SPNS3: variants seen among roughly 807,000 people sequenced by gnomAD.
SPNS3 encodes SPNS lysolipid transporter 3, sphingosine-1-phosphate (putative).
SPNS3 carries 51 observed loss-of-function variants against 54.4 expected under a neutral mutation model. The ratio of observed to expected loss-of-function variants is 0.94; its 90% CI spans 0.75 to 1.18. The LOEUF is 1.18. Ranked by LOEUF, SPNS3 falls within the 50% of genes most tolerant of loss-of-function variation. The pLI is 0.00. For synonymous variants in SPNS3, 309 were observed against 294.7 expected (o/e 1.05, Z -0.50); for missense variants, 669 against 677.4 (o/e 0.99, Z 0.14).
At chr17:4,465,523 T>A (rs2144137873) in intron 8 of SPNS3, among the ~76,000 whole-genome samples, 1 of 151,308 alleles carries the variant, frequency 6.6e-6, no homozygotes, top group South Asian at 2.1e-4. Flanking sequence ...AGATGAGGAG[T>A]TCAAGACCAG....
chr17:4,446,745 C>G (rs952087845), intron 4 of SPNS3, 151 bp from the exon 5 acceptor site: 8 of 689,682 alleles, frequency 1.2e-5, no homozygotes, highest in South Asian at 3.3e-5. Flanking sequence ...CTGGGCCTCA[C>G]GTGGCTTACT....
chr17:4,446,875 G>T, intron 4 of SPNS3, 21 bp from the exon 5 acceptor site: 1 of 1,612,626 alleles, frequency 6.2e-7, no homozygotes, highest in Non-Finnish European at 8.5e-7. Context: ...ACAGCCCATC[G>T]CCCCTGCCCC....
intron 8 of SPNS3, among the ~76,000 whole-genome samples, chr17:4,469,231 G>A (rs1473095938): frequency 6.6e-6 from 1 of 152,122 alleles, no homozygotes; most frequent in African/African-American, 2.4e-5. Flanking sequence ...GACTACAGGT[G>A]TGAGCCACCG....
At chr17:4,453,244 G>A (rs1289780335) in intron 8 of SPNS3, 39 bp downstream of exon 8, 5 of 1,569,852 alleles carry the variant, frequency 3.2e-6, no homozygotes, top group Non-Finnish European at 4.3e-6. Flanking sequence ...ACAGGGTTGG[G>A]GGGCGAGGAA....
chr17:4,443,639 C>T (rs1466719008), intron 2 of SPNS3, among the ~76,000 whole-genome samples: 4 of 152,254 alleles, frequency 2.6e-5, no homozygotes, highest in East Asian at 1.9e-4. Flanking sequence ...AAGGGGAACA[C>T]GAAGAGTTAA....
chr17:4,447,073 CG>C lies in SPNS3; in HGVS notation c.621+117del, dbSNP rs1037739629. 7.7e-5 allele frequency: 82 copies of C among 1,068,666 alleles called. 1 individual carries two copies. The highest frequency in any genetic ancestry group is 4.2e-4 in the Admixed American group (21 of 50,196). 66.2% of individuals were successfully genotyped at this position (1,068,666 alleles called of 1,614,324 possible). On this transcript the variant is annotated intron_variant, in intron 5 of 11. Transcript: ENST00000355530. ...GTAGCACCCGGCGCCATTAGGGGGA[CG>C]GGGGGTGGTGGTCAGGCATCGGCAG... is the stretch of plus-strand genomic sequence containing the variant.
intron 5 of SPNS3, among the ~76,000 whole-genome samples, chr17:4,447,931 A>G (rs1971040859): frequency 6.6e-6 from 1 of 152,178 alleles, no homozygotes; most frequent in African/African-American, 2.4e-5. Flanking sequence ...TGAAGTCCCA[A>G]AGAGTCTCCA....
intron 11 of SPNS3, 82 bp from the exon 12 acceptor site, chr17:4,487,724 G>T: frequency 8.0e-7 from 1 of 1,255,858 alleles, no homozygotes; most frequent in Non-Finnish European, 1.2e-6. Flanking sequence ...AGGATTTCCT[G>T]ACAGCCCGTG....
At position 4,453,001 on chromosome 17, in the gene SPNS3, G is replaced by T; in HGVS notation, c.924-15G>T. 1 of 1,609,942 alleles carries T rather than the reference G, an allele frequency of 6.2e-7. No homozygotes were observed. The highest frequency in any genetic ancestry group is 8.5e-7 in the Non-Finnish European group (1 of 1,177,574). On this transcript the variant is annotated splice_polypyrimidine_tract_variant and intron_variant, in intron 7 of 11. Transcript: ENST00000355530. ...TCACCCAGCTGACCAACCCTTCTGT[G>T]CTCTTCCCCATCAGCCTGATTTTTG...
intron 1 of SPNS3, among the ~76,000 whole-genome samples, chr17:4,438,681 A>G (rs62066155): frequency 0.057 from 8,757 of 152,298 alleles, 316 homozygotes; most frequent in Non-Finnish European, 0.08. Context: ...ATGTTCACCT[A>G]TGCATTTCCA....
At chr17:4,464,874 T>C (rs1971636796) in intron 8 of SPNS3, among the ~76,000 whole-genome samples, 1 of 152,022 alleles carries the variant, frequency 6.6e-6, no homozygotes, top group African/African-American at 2.4e-5. Flanking sequence ...AGAGATGGGG[T>C]TTCACCATGT....
chr17:4,440,598 T>C (rs1465877733), intron 2 of SPNS3, among the ~76,000 whole-genome samples: 1 of 152,182 alleles, frequency 6.6e-6, no homozygotes, highest in Non-Finnish European at 1.5e-5. Context: ...GTGGTCGGCC[T>C]GTGGTTCTCC....
Position 4,435,927 on chromosome 17 carries a change from G to A in SPNS3, c.199+1761G>A, listed in dbSNP as rs563963711. ...AGCCTGGGCGACAGAGCGAGACTCC[G>A]TCTCAAACAAAGACAACAACAATAA... On this transcript the variant is annotated intron_variant, in intron 1 of 11. Transcript: ENST00000355530. Among the ~76,000 whole-genome samples the A allele has an allele frequency of 7.2e-5, 11 of 152,290 alleles. No homozygotes were observed. In the South Asian group the frequency reaches 1.5e-3, roughly 20 times the overall value.
At chr17:4,434,729 A>G (rs923975147) in intron 1 of SPNS3, among the ~76,000 whole-genome samples, 28 of 151,204 alleles carry the variant, frequency 1.9e-4, no homozygotes, top group African/African-American at 6.8e-4. Flanking sequence ...GCTGGTCTCG[A>G]ACTCCTGACC....
intron 7 of SPNS3, among the ~76,000 whole-genome samples, chr17:4,452,106 C>T (rs1971183230): frequency 6.6e-6 from 1 of 151,314 alleles, no homozygotes; most frequent in East Asian, 2.0e-4. Flanking sequence ...CTCAGCCTCA[C>T]CTTGCTCACC....
At chr17:4,435,705 C>T (rs1970698337) in intron 1 of SPNS3, among the ~76,000 whole-genome samples, 1 of 152,058 alleles carries the variant, frequency 6.6e-6, no homozygotes, top group Admixed American at 6.6e-5. Context: ...TTCTTGCAGG[C>T]TTCAGGGCTC....
At chr17:4,451,303 G>A (rs1179068346) in intron 7 of SPNS3, among the ~76,000 whole-genome samples, 1 of 150,674 alleles carries the variant, frequency 6.6e-6, no homozygotes, top group Admixed American at 6.6e-5. Flanking sequence ...CTAGGCTGGA[G>A]TGCAGTAGCA....
chr17:4,453,347 A>G, intron 8 of SPNS3, 142 bp downstream of exon 8: 2 of 807,716 alleles, frequency 2.5e-6, no homozygotes, highest in South Asian at 1.9e-5. Context: ...CCCATTTTAC[A>G]GATCAGTAAA....
chr17:4,458,887 T>TA (rs1340016120), intron 8 of SPNS3, among the ~76,000 whole-genome samples: 1 of 151,954 alleles, frequency 6.6e-6, no homozygotes, highest in Admixed American at 6.6e-5. Flanking sequence ...CTGGTGCCTG[T>TA]GGAACTAGGC....
Sources: gnomAD v4.1 joint callset for allele counts (sites outside exome capture counted in the v4.1 genomes callset) on GRCh38, gnomAD v4.1.1 for gene constraint, MANE v1.5 for transcripts, NCBI Gene and HGNC (gene_info 2026-07-23, HGNC 2026-07-21) for gene names.